The following MMP16 variants were observed in gnomAD, a reference collection of about 807,000 sequenced individuals.
MMP16 encodes the protein matrix metalloproteinase-16.
MMP16 carries 12 observed loss-of-function variants against 67.8 expected under a neutral mutation model. The ratio of observed to expected loss-of-function variants is 0.18; its 90% CI spans 0.11 to 0.29. MMP16 has a LOEUF of 0.29. Among genes scored for constraint, MMP16 ranks in the 10% least tolerant of loss-of-function variants. The pLI, the probability that MMP16 is intolerant of heterozygous loss-of-function variation, is 1.00. For synonymous variants in MMP16, 249 were observed against 255.9 expected, an observed-to-expected ratio of 0.97 and a Z score of 0.26; for missense variants, 475 against 765.7, an observed-to-expected ratio of 0.62 and a Z score of 4.48.
chr8:88,157,059 T>A (rs868461517), intron 4 of MMP16, among the ~76,000 whole-genome samples: 1 of 152,118 alleles, frequency 6.6e-6, no homozygotes, highest in Non-Finnish European at 1.5e-5. Context: ...TGATTAGATG[T>A]GATCATAGTA....
chr8:88,099,661 G>T (rs1323006638), intron 6 of MMP16, among the ~76,000 whole-genome samples: 1 of 151,602 alleles, frequency 6.6e-6, no homozygotes, highest in Non-Finnish European at 1.5e-5. Context: ...TTTTAGTCCA[G>T]ATTTTTTCCC....
rs552274017 is a variant in MMP16, at chr8:88,035,302, T to G, written c.*6159A>C. ...AGAGCACATGGGAAAGTTATATGAA[T>G]CTGTACAACATTCTAGTTTATGATG... On this transcript the variant is annotated 3_prime_UTR_variant, in exon 10 of 10. Coordinates refer to ENST00000286614, the MANE Select transcript of MMP16 (RefSeq NM_005941.5). This position sits in a 1 kb window ranked among gnomAD's most constrained non-coding sequence, Gnocchi z 4.7. 1.3e-5 allele frequency: 2 copies of G among 152,196 alleles called. No individual in the cohort carries two copies. Among genetic ancestry groups the G allele is most frequent in the South Asian group, 4.1e-4 (2 of 4,830 alleles). The allele number at this position is 152,196 out of a possible 1,614,324, so 9.4% of individuals were successfully genotyped here. A position where few individuals can be genotyped will look rare whatever the true frequency, so the allele number is the denominator to read the frequency against.
At chr8:88,233,352 T>C (rs1380506693) in intron 1 of MMP16, among the ~76,000 whole-genome samples, 1 of 152,156 alleles carries the variant, frequency 6.6e-6, no homozygotes, top group African/African-American at 2.4e-5. Flanking sequence ...ACTCTCCTTA[T>C]TGGCAATCCA....
At chr8:88,312,855 C>A (rs947625158) in intron 1 of MMP16, among the ~76,000 whole-genome samples, 1 of 152,050 alleles carries the variant, frequency 6.6e-6, no homozygotes, top group Non-Finnish European at 1.5e-5. Context: ...GTAATCCCAG[C>A]CACTTGGGAG....
chr8:88,282,936 T>C (rs1178473081), intron 1 of MMP16, among the ~76,000 whole-genome samples: 6 of 152,164 alleles, frequency 3.9e-5, no homozygotes, highest in East Asian at 3.8e-4. Context: ...GTTTTTTACA[T>C]GGAAATTTTT....
At chr8:88,099,704 C>T (rs966256294) in intron 6 of MMP16, among the ~76,000 whole-genome samples, 1 of 151,484 alleles carries the variant, frequency 6.6e-6, no homozygotes, top group Non-Finnish European at 1.5e-5. Flanking sequence ...TTTAAAAAAA[C>T]AAAAAACAAA....
At chr8:88,107,481 A>G (rs1809141535) in intron 6 of MMP16, among the ~76,000 whole-genome samples, 1 of 150,990 alleles carries the variant, frequency 6.6e-6, no homozygotes, top group Admixed American at 6.6e-5. Flanking sequence ...AAAATTATGT[A>G]TTTTGTTATT....
At chr8:88,208,032 G>A (rs1393098464) in intron 1 of MMP16, among the ~76,000 whole-genome samples, 2 of 152,160 alleles carry the variant, frequency 1.3e-5, no homozygotes, top group African/African-American at 2.4e-5. Context: ...AAGTAGCTTC[G>A]GCTGATAACG....
chr8:88,113,487 C>G (rs1316186572), intron 6 of MMP16, among the ~76,000 whole-genome samples: 2 of 151,538 alleles, frequency 1.3e-5, no homozygotes, highest in African/African-American at 4.8e-5. Flanking sequence ...ATGAGCAATA[C>G]TAAAAATATT....
chr8:88,229,115 A>C (rs1809816929), intron 1 of MMP16, among the ~76,000 whole-genome samples: 1 of 152,048 alleles, frequency 6.6e-6, no homozygotes, highest in African/African-American at 2.4e-5. Flanking sequence ...GAAACAAACT[A>C]TATGGTTACA....
At chr8:88,061,635 A>C (rs868517726) in intron 7 of MMP16, among the ~76,000 whole-genome samples, 8 of 152,110 alleles carry the variant, frequency 5.3e-5, no homozygotes, top group South Asian at 2.1e-4. Context: ...AATGGTTCAC[A>C]GAAGCTTAGT....
intron 1 of MMP16, among the ~76,000 whole-genome samples, chr8:88,290,397 CA>C (rs1482408124): frequency 6.6e-6 from 1 of 151,898 alleles, no homozygotes; most frequent in African/African-American, 2.4e-5. Flanking sequence ...CTAAAAAATA[CA>C]AAAAATTAGC....
At chr8:88,192,124 A>C (rs946608026) in intron 2 of MMP16, among the ~76,000 whole-genome samples, 8 of 152,224 alleles carry the variant, frequency 5.3e-5, no homozygotes, top group African/African-American at 1.9e-4. Flanking sequence ...CCAGAAATTT[A>C]AAAATATACT....
At chr8:88,319,792 C>A (rs1205411397) in intron 1 of MMP16, among the ~76,000 whole-genome samples, 1 of 151,750 alleles carries the variant, frequency 6.6e-6, no homozygotes, top group Non-Finnish European at 1.5e-5. Flanking sequence ...TTAAACGGGG[C>A]TAAAACAAAT....
At chr8:88,297,530 A>T (rs764882880) in intron 1 of MMP16, among the ~76,000 whole-genome samples, 10 of 152,210 alleles carry the variant, frequency 6.6e-5, no homozygotes, top group African/African-American at 2.4e-4. Flanking sequence ...ATTAGAGAAA[A>T]GAAATGGCAG....
At chr8:88,255,709 C>T (rs973468596) in intron 1 of MMP16, among the ~76,000 whole-genome samples, 2 of 152,074 alleles carry the variant, frequency 1.3e-5, no homozygotes, top group African/African-American at 4.8e-5. Context: ...TTTACTCTGC[C>T]GAAGGATGGG....
intron 1 of MMP16, among the ~76,000 whole-genome samples, chr8:88,315,456 A>G (rs1811362606): frequency 6.6e-6 from 1 of 152,210 alleles, no homozygotes; most frequent in Admixed American, 6.5e-5. Flanking sequence ...ACTAAAACAG[A>G]GACCCAAAAA....
At chr8:88,210,104 C>T (rs1809490218) in intron 1 of MMP16, among the ~76,000 whole-genome samples, 2 of 152,128 alleles carry the variant, frequency 1.3e-5, no homozygotes, top group Non-Finnish European at 2.9e-5. Context: ...ACCAGGCTGG[C>T]ACCCTGACCT....
At chr8:88,301,028 G>T (rs1218840529) in intron 1 of MMP16, among the ~76,000 whole-genome samples, 2 of 152,104 alleles carry the variant, frequency 1.3e-5, no homozygotes, top group Non-Finnish European at 2.9e-5. Context: ...TAAGAGCAGG[G>T]ATCACTTAAA....
Sources: gnomAD v4.1 joint callset for allele counts (sites outside exome capture counted in the v4.1 genomes callset) on GRCh38, gnomAD v4.1.1 for gene constraint, Gnocchi (gnomAD v3.1) non-coding constraint, MANE v1.5 for transcripts, NCBI Gene and HGNC (gene_info 2026-07-23, HGNC 2026-07-21) for gene names.